The following KLF13 variants were observed in gnomAD, a reference collection of about 807,000 sequenced individuals.
KLF13 encodes KLF transcription factor 13, also known as Krueppel-like factor 13.
Under a neutral mutation model 16.7 loss-of-function variants are expected in KLF13, and 8 were observed. That is an observed-to-expected ratio of 0.48 (90% CI 0.28 to 0.87). The LOEUF is 0.87. Among genes scored for constraint, KLF13 ranks in the 40% least tolerant of loss-of-function variants. The pLI is 0.10. For missense variants in KLF13, 447 were observed against 452.2 expected, an observed-to-expected ratio of 0.99 and a Z score of 0.10; for synonymous variants, 245 against 208.4, an observed-to-expected ratio of 1.18 and a Z score of -1.51.
At chr15:31,413,512 T>C (rs1006796532) in intron 1 of KLF13, among the ~76,000 whole-genome samples, 9 of 152,094 alleles carry the variant, frequency 5.9e-5, no homozygotes, top group Non-Finnish European at 1.0e-4. Flanking sequence ...CCAAATACAT[T>C]AGCAGCTGAC....
chr15:31,383,768 G>C (rs1299970987), intron 1 of KLF13, among the ~76,000 whole-genome samples: 2 of 152,172 alleles, frequency 1.3e-5, no homozygotes, highest in Non-Finnish European at 2.9e-5. Flanking sequence ...TGGGCGTGGT[G>C]GTGGGCGCCT....
intron 1 of KLF13, among the ~76,000 whole-genome samples, chr15:31,336,233 C>T (rs2038928277): frequency 6.6e-6 from 1 of 152,226 alleles, no homozygotes; most frequent in African/African-American, 2.4e-5. Context: ...CCCGGTCTGG[C>T]CTCGTTGGGG....
At chr15:31,394,103 G>A (rs1191534057) in intron 2 of KLF13, among the ~76,000 whole-genome samples, 1 of 150,390 alleles carries the variant, frequency 6.6e-6, no homozygotes, top group Non-Finnish European at 1.5e-5. Context: ...GACAGCGCTG[G>A]GGTGCAATGT....
chr15:31,423,157 A>ATGTATACG (rs2040360916), intron 1 of KLF13, among the ~76,000 whole-genome samples: 3 of 116,826 alleles, frequency 2.6e-5, no homozygotes, highest in African/African-American at 8.8e-5. Flanking sequence ...ATATATACGT[A>ATGTATACG]TATATATGTA....
downstream of KLF13, among the ~76,000 whole-genome samples, chr15:31,380,997 C>T (rs368987021): frequency 2.6e-4 from 40 of 152,226 alleles, no homozygotes; most frequent in Admixed American, 8.5e-4. Context: ...CATCATGAAA[C>T]CCCATCCCCA....
intron 1 of KLF13, among the ~76,000 whole-genome samples, chr15:31,338,339 C>T (rs1426519354): frequency 2.6e-5 from 4 of 152,026 alleles, no homozygotes; most frequent in East Asian, 3.8e-4. Context: ...TATATATGCC[C>T]GTATTTGCAG....
intron 1 of KLF13, among the ~76,000 whole-genome samples, chr15:31,339,660 G>A (rs545292285): frequency 1.3e-5 from 2 of 152,330 alleles, no homozygotes; most frequent in East Asian, 1.9e-4. Flanking sequence ...CCCGAGGAGC[G>A]CCCTCCCACC....
intron 1 of KLF13, among the ~76,000 whole-genome samples, chr15:31,418,657 AAC>A (rs1260010020): frequency 3.3e-5 from 5 of 151,570 alleles, no homozygotes; most frequent in African/African-American, 1.2e-4. Context: ...TACAGAAACA[AAC>A]ACAGTAGAAA....
At chr15:31,366,779 G>A (rs981937319) in intron 1 of KLF13, among the ~76,000 whole-genome samples, 2 of 15,082 alleles carry the variant, frequency 1.3e-4, no homozygotes, top group African/African-American at 4.6e-4. Context: ...ACGCAGCCCC[G>A]CCTGGAGTCT....
chr15:31,421,082 T>G (rs1157844276), intron 1 of KLF13, among the ~76,000 whole-genome samples: 1 of 152,258 alleles, frequency 6.6e-6, no homozygotes, highest in African/African-American at 2.4e-5. Context: ...TATCTTCAGC[T>G]GTGGTATTAT....
downstream of KLF13, among the ~76,000 whole-genome samples, chr15:31,378,763 G>C (rs1321954514): frequency 6.6e-6 from 1 of 152,138 alleles, no homozygotes; most frequent in Non-Finnish European, 1.5e-5. Flanking sequence ...CTGTCGCCGA[G>C]GCTGGAGTGC....
chr15:31,327,428 C>G lies in KLF13; in HGVS notation c.216C>G (p.Asn72Lys). Residue 72 changes from asparagine (N) to lysine (K), a missense_variant, in exon 1 of 2, where the codon AAC becomes AAG. Transcript: ENST00000307145. ...FVVARILADL[N>K]QQAPAPAPAE... ...TGGCGCGGATCCTAGCGGACCTCAA[C>G]CAGCAAGCGCCGGCGCCCGCCCCGG... 1 of 1,262,758 alleles carries G rather than the reference C, an allele frequency of 7.9e-7. No homozygotes were observed. Among genetic ancestry groups the G allele is most frequent in the Non-Finnish European group, 1.0e-6 (1 of 1,003,762 alleles). 78.2% of individuals were successfully genotyped at this position (1,262,758 alleles called of 1,614,324 possible). A position where few individuals can be genotyped will look rare whatever the true frequency, so the allele number is the denominator to read the frequency against.
intron 1 of KLF13, among the ~76,000 whole-genome samples, chr15:31,418,854 G>C (rs544582658): frequency 3.3e-5 from 5 of 152,290 alleles, no homozygotes; most frequent in Admixed American, 1.3e-4. Context: ...TCACATCTGT[G>C]ATCCTAGCAC....
At chr15:31,397,909 C>A (rs1044996265) in intron 2 of KLF13, among the ~76,000 whole-genome samples, 1 of 151,520 alleles carries the variant, frequency 6.6e-6, no homozygotes, top group Admixed American at 6.6e-5. Flanking sequence ...CTGGGGAATT[C>A]TTCAGTCTTT....
chr15:31,428,466 G>C (rs572282078), intron 1 of KLF13, among the ~76,000 whole-genome samples: 1 of 152,200 alleles, frequency 6.6e-6, no homozygotes, highest in East Asian at 1.9e-4. Context: ...AATTTCAACA[G>C]GTTTTTTGGT....
intron 2 of KLF13, among the ~76,000 whole-genome samples, chr15:31,398,999 C>T (rs570896746): frequency 5.3e-5 from 8 of 152,322 alleles, no homozygotes; most frequent in African/African-American, 1.7e-4. Flanking sequence ...CCTGTGTGTC[C>T]CTGGCAGAGT....
Position 31,327,299 on chromosome 15 carries a change from G to C in KLF13, c.87G>C (p.Glu29Asp). ...SSRAVVHGPR[E>D]GPESRPEGAA... ...GCGCGGTCGTGCACGGGCCGCGGGA[G>C]GGGCCGGAGTCCCGGCCCGAGGGCG... The change falls in exon 1 of 2, where the codon GAG becomes GAC. Residue 29 changes from glutamate (E) to aspartate (D), a missense_variant. Coordinates refer to ENST00000307145, the MANE Select transcript of KLF13 (RefSeq NM_015995.4). 7.7e-7 allele frequency: 1 copy of C among 1,305,756 alleles called. No homozygotes were observed. Among genetic ancestry groups the C allele is most frequent in the Non-Finnish European group, 9.7e-7 (1 of 1,030,628 alleles). 80.9% of individuals were successfully genotyped at this position (1,305,756 alleles called of 1,614,324 possible).
chr15:31,367,152 TG>T (rs1466239039), intron 1 of KLF13, among the ~76,000 whole-genome samples: 1 of 152,198 alleles, frequency 6.6e-6, no homozygotes, highest in East Asian at 1.9e-4. Flanking sequence ...CTCCCTTCTC[TG>T]GGCTGCTCCT....
intron 1 of KLF13, among the ~76,000 whole-genome samples, chr15:31,385,426 T>C (rs1425938307): frequency 2.0e-5 from 3 of 152,236 alleles, no homozygotes; most frequent in Non-Finnish European, 1.5e-5. Flanking sequence ...TTGCAAATAT[T>C]GTGTTTTTTA....
Sources: gnomAD v4.1 joint callset for allele counts (sites outside exome capture counted in the v4.1 genomes callset) on GRCh38, gnomAD v4.1.1 for gene constraint, MANE v1.5 for transcripts, NCBI Gene and HGNC (gene_info 2026-07-23, HGNC 2026-07-21) for gene names.